The following SCRN3 variants were observed in gnomAD, a reference collection of about 807,000 sequenced individuals.
SCRN3 encodes the protein secernin-3.
In SCRN3, 39 loss-of-function variants were observed where a neutral mutation model predicts 43.1. The ratio of observed to expected loss-of-function variants is 0.91; its 90% confidence interval spans 0.70 to 1.18. The LOEUF (loss-of-function observed/expected upper bound fraction) is 1.18. SCRN3 is among the 50% of genes most tolerant of loss of function. The pLI is 0.00. For synonymous variants in SCRN3, 147 were observed against 163.1 expected, an observed-to-expected ratio of 0.90 and a Z score of 0.75; for missense variants, 484 against 498.0, an observed-to-expected ratio of 0.97 and a Z score of 0.27.
Position 174,398,300 on chromosome 2 carries a change from G to A in SCRN3, c.17G>A (p.Cys6Tyr), listed in dbSNP as rs1240186536. MEPFS[C>Y]DTFVALPPAT... ...TTAAAAAAAATGGAACCTTTTTCCT[G>A]TGACACTTTCGTGGCATTACCTCCA... Residue 6 changes from cysteine (C) to tyrosine (Y), a missense_variant, in exon 2 of 8, where the codon TGT (cysteine) becomes TAT (tyrosine). Cys to Tyr is a radical substitution (Grantham distance 194, BLOSUM62 -2). Transcript: ENST00000272732. 6.3e-7 allele frequency: 1 copy of A among 1,575,006 alleles called. No homozygotes were observed.
chr2:174,396,811 A>AG (rs1685335325), intron 1 of SCRN3: 1 of 152,560 alleles, frequency 6.6e-6, no homozygotes, highest in Admixed American at 6.5e-5. Flanking sequence ...AAAAAAAACA[A>AG]AAAACGAATA....
Position 174,395,829 on chromosome 2 carries a change from G to A in SCRN3, c.-10+12G>A, listed in dbSNP as rs765522551. ...AGCTGGGAGGCCAGGTGAGGGGCGC[G>A]CACGGGGGAGGGGCGTGCATAGTTG... On this transcript the variant is annotated intron_variant, in intron 1 of 7. Coordinates refer to ENST00000272732, the MANE Select transcript of SCRN3 (RefSeq NM_024583.5). 43 of 1,514,886 alleles carry A rather than the reference G, an allele frequency of 2.8e-5. No individual in the cohort carries two copies. The highest frequency in any genetic ancestry group is 9.0e-5 in the South Asian group (7 of 77,546). 93.8% of individuals were successfully genotyped at this position (1,514,886 alleles called of 1,614,324 possible). A position where few individuals can be genotyped will look rare whatever the true frequency, so the allele number is the denominator to read the frequency against.
At chr2:174,420,552 G>C (rs2105618063) in intron 5 of SCRN3, among the ~76,000 whole-genome samples, 1 of 152,288 alleles carries the variant, frequency 6.6e-6, no homozygotes, top group South Asian at 2.1e-4. Flanking sequence ...ATTGGAAACA[G>C]ACTTTGAAAT....
At chr2:174,414,708 A>G (rs909562254) in intron 5 of SCRN3, among the ~76,000 whole-genome samples, 1 of 151,506 alleles carries the variant, frequency 6.6e-6, no homozygotes, top group Non-Finnish European at 1.5e-5. Flanking sequence ...TTGAAATTAT[A>G]TAACATGCTT....
At chr2:174,406,918 C>G (rs1319155866) in intron 5 of SCRN3, among the ~76,000 whole-genome samples, 9 of 118,414 alleles carry the variant, frequency 7.6e-5, no homozygotes, top group African/African-American at 1.7e-4. Context: ...GTCTAAAATT[C>G]TCTTTTTTGG....
chr2:174,398,447 G>T lies in SCRN3; in HGVS notation c.159+5G>T. The T allele has an allele frequency of 1.3e-6, 2 of 1,584,382 alleles. No individual in the cohort carries two copies. Among genetic ancestry groups the T allele is most frequent in the South Asian group, 2.4e-5 (2 of 84,034 alleles). On this transcript the variant is annotated splice_donor_5th_base_variant and intron_variant, in intron 2 of 7. Coordinates refer to ENST00000272732, the MANE Select transcript of SCRN3 (RefSeq NM_024583.5). ...AACCTGGGAGAACGTCTTAAGGTAGGTGAAATAAATGTTTTGTTAGCAATA... is the reference window on the plus strand; with the variant it reads ...AACCTGGGAGAACGTCTTAAGGTAGTTGAAATAAATGTTTTGTTAGCAATA...
intron 4 of SCRN3, among the ~76,000 whole-genome samples, chr2:174,403,082 T>C (rs1685561586): frequency 8.7e-6 from 1 of 115,284 alleles, no homozygotes; most frequent in South Asian, 3.0e-4. Context: ...CAAAACTCAG[T>C]AGTAAAAAAA....
Position 174,404,212 on chromosome 2 carries a change from G to T in SCRN3, c.651G>T (p.Lys217Asn), listed in dbSNP as rs1685602372. Residue 217 changes from lysine to asparagine, a missense_variant, in exon 5 of 8, where the codon AAG (lysine) becomes AAT (asparagine). Physicochemically the swap from Lys to Asn is moderately conservative, Grantham distance 94. Transcript: ENST00000272732. ...GGAAAGGTTGGTGGGATGGTAAAAAGGAGTTTGATTTTGCTGCAGCATATT... is the reference window on the plus strand; with the variant it reads ...GGAAAGGTTGGTGGGATGGTAAAAATGAGTTTGATTTTGCTGCAGCATATT... ...AKRKGWWDGK[K>N]EFDFAAAYSY... The T allele has an allele frequency of 1.9e-6, 3 of 1,613,760 alleles. No homozygotes were observed. The South Asian group carries it at 3.3e-5, about 18-fold the overall frequency.
chr2:174,410,796 G>T (rs1685890860), intron 5 of SCRN3, among the ~76,000 whole-genome samples: 1 of 152,096 alleles, frequency 6.6e-6, no homozygotes, highest in African/African-American at 2.4e-5. Flanking sequence ...TCCAAAACTT[G>T]AGAAATGTTG....
At chr2:174,423,255 A>G (rs1686358044) in intron 6 of SCRN3, among the ~76,000 whole-genome samples, 1 of 152,230 alleles carries the variant, frequency 6.6e-6, no homozygotes, top group South Asian at 2.1e-4. Flanking sequence ...AGTTTCTTGT[A>G]TGCGTTATCC....
chr2:174,424,779 G>C, intron 7 of SCRN3, 130 bp downstream of exon 7: 1 of 635,582 alleles, frequency 1.6e-6, no homozygotes. Context: ...TAGATGCTCA[G>C]ACTATAGTAG....
At chr2:174,424,749 A>C in intron 7 of SCRN3, 100 bp downstream of exon 7, 4 of 887,612 alleles carry the variant, frequency 4.5e-6, no homozygotes, top group Non-Finnish European at 5.1e-6. Flanking sequence ...TTCTTATAAG[A>C]AATAGTTTTA....
chr2:174,400,003 A>G lies in SCRN3; in HGVS notation c.241A>G (p.Met81Val), dbSNP rs1051205501. 6.3e-7 allele frequency: 1 copy of G among 1,599,352 alleles called. No individual in the cohort carries two copies. Among genetic ancestry groups the G allele is most frequent in the Non-Finnish European group, 8.5e-7 (1 of 1,174,520 alleles). Reference sequence around the variant, plus strand: ...CCCAGCGTGGTTGTGGGGGGCAGAAATGGGAGCCAATGAGCATGGAGTTTG... The same window carrying G: ...CCCAGCGTGGTTGTGGGGGGCAGAAGTGGGAGCCAATGAGCATGGAGTTTG... ...SRPAWLWGAE[M>V]GANEHGVCIG... Residue 81 changes from methionine to valine, a missense_variant, in exon 3 of 8, where the codon ATG becomes GTG. By Grantham distance (21) the Met-to-Val change is conservative. Coordinates refer to ENST00000272732, the MANE Select transcript of SCRN3 (RefSeq NM_024583.5).
rs1686337183 is a variant in SCRN3 at position 174,422,818 on chromosome 2, C to A, written c.755-67C>A. On this transcript the variant is annotated intron_variant, in intron 5 of 7. Coordinates refer to ENST00000272732, the MANE Select transcript of SCRN3 (RefSeq NM_024583.5). ...TCTCACATATTATCAGTAGAGAAAG[C>A]AGTTCATATTTGCAAGGCATCCGTA... The A allele has an allele frequency of 1.3e-5, 12 of 929,436 alleles. No homozygotes were observed. In the South Asian group the frequency reaches 1.6e-4, roughly 12 times the overall value. 57.6% of individuals were successfully genotyped at this position (929,436 alleles called of 1,614,324 possible). A position where few individuals can be genotyped will look rare whatever the true frequency, so the allele number is the denominator to read the frequency against.
chr2:174,411,325 G>C (rs1182587643), intron 5 of SCRN3, among the ~76,000 whole-genome samples: 1 of 151,186 alleles, frequency 6.6e-6, no homozygotes, highest in Non-Finnish European at 1.5e-5. Context: ...CATCCAAATG[G>C]GAAATCTGCT....
intron 4 of SCRN3, 127 bp from the exon 5 acceptor site, chr2:174,403,976 C>A (rs148249905): frequency 1.1e-5 from 7 of 620,386 alleles, no homozygotes; most frequent in East Asian, 2.9e-5. Context: ...TAATAGATGC[C>A]CATGGCACAA....
chr2:174,400,484 G>A (rs1304963070), intron 3 of SCRN3, among the ~76,000 whole-genome samples: 1 of 151,920 alleles, frequency 6.6e-6, no homozygotes, highest in Non-Finnish European at 1.5e-5. Flanking sequence ...TTTTTTCAGA[G>A]ACTAGGGTCT....
intron 6 of SCRN3, 126 bp from the exon 7 acceptor site, chr2:174,424,349 A>G (rs1686405220): frequency 1.5e-6 from 1 of 686,834 alleles, no homozygotes; most frequent in Non-Finnish European, 2.4e-6. Context: ...CTAATGTGAC[A>G]GGAACAAGTT....
chr2:174,422,805 T>C, intron 5 of SCRN3, 80 bp from the exon 6 acceptor site: 1 of 807,574 alleles, frequency 1.2e-6, no homozygotes, highest in Non-Finnish European at 2.0e-6. Flanking sequence ...TCACATATTA[T>C]CAGTAGAGAA....
Sources: gnomAD v4.1 joint callset for allele counts (sites outside exome capture counted in the v4.1 genomes callset) on GRCh38, gnomAD v4.1.1 for gene constraint, MANE v1.5 for transcripts, NCBI Gene and HGNC (gene_info 2026-07-23, HGNC 2026-07-21) for gene names.